ELN: variants seen among roughly 807,000 people sequenced by gnomAD.
ELN encodes the protein elastin.
ELN carries 65 observed loss-of-function variants against 105.8 expected under a neutral mutation model. The ratio of observed to expected loss-of-function variants is 0.61; its 90% CI spans 0.50 to 0.75. ELN has a LOEUF of 0.75. Ranked by LOEUF, ELN falls within the 30% of genes least tolerant of loss-of-function variation. The pLI is 0.00. For missense variants in ELN, 882 were observed against 969.4 expected, an observed-to-expected ratio of 0.91 and a Z score of 1.20; for synonymous variants, 368 against 389.2, an observed-to-expected ratio of 0.95 and a Z score of 0.64.
At chr7:74,044,967 T>C (rs1455989516) in intron 9 of ELN, among the ~76,000 whole-genome samples, 1 of 152,110 alleles carries the variant, frequency 6.6e-6, no homozygotes, top group African/African-American at 2.4e-5. Context: ...AACTCCAGCA[T>C]AGAGATGAGG....
chr7:74,037,618 T>C lies in ELN; in HGVS notation c.164-89T>C, dbSNP rs930108196. 17 of 1,553,760 alleles carry C rather than the reference T, an allele frequency of 1.1e-5. No individual in the cohort carries two copies. In the African/African-American group the frequency reaches 2.2e-4, roughly 20 times the overall value. On this transcript the variant is annotated intron_variant, in intron 3 of 32. Coordinates refer to ENST00000252034, the MANE Select transcript of ELN (RefSeq NM_000501.4). ...GGACCTGGGGTGTGTGATTCCACAC[T>C]GCCCACACTTTGCCCGGGTTGGGGG...
At position 74,048,154 on chromosome 7, in the gene ELN, G is replaced by A. The variant is rs781929514; in HGVS notation, c.698G>A (p.Gly233Glu). Residue 233 changes from glycine to glutamate, a missense_variant, in exon 14 of 33, where the codon GGA (glycine) becomes GAA (glutamate). Coordinates refer to ENST00000252034, the MANE Select transcript of ELN (RefSeq NM_000501.4). ...CTCTGTTTTGCAGGCTATGGGCCCG[G>A]AGGAGTGGCTGGTGCAGCGGGCAAG... ...TGKLPYGYGP[G>E]GVAGAAGKAG... The A allele has an allele frequency of 1.2e-6, 2 of 1,614,070 alleles. No individual in the cohort carries two copies. Among genetic ancestry groups the A allele is most frequent in the Non-Finnish European group, 1.7e-6 (2 of 1,179,980 alleles).
chr7:74,066,149 G>A, intron 31 of ELN, 152 bp downstream of exon 31: 1 of 1,074,120 alleles, frequency 9.3e-7, no homozygotes, highest in Admixed American at 2.1e-5. Flanking sequence ...CAGATGTACT[G>A]GGCAAACGGG....
At chr7:74,028,382 C>A in intron 1 of ELN, 113 bp downstream of exon 1, 1 of 1,260,506 alleles carries the variant, frequency 7.9e-7, no homozygotes, top group Non-Finnish European at 1.1e-6. Flanking sequence ...CAAGGGGTCC[C>A]AGGTGGGAGC....
intron 15 of ELN, 38 bp downstream of exon 15, chr7:74,048,594 G>C: frequency 6.2e-7 from 1 of 1,612,304 alleles, no homozygotes; most frequent in Non-Finnish European, 8.5e-7. Flanking sequence ...TGGCCTCCAG[G>C]CCCCTAGCCT....
chr7:74,064,146 T>C (rs34703969), intron 29 of ELN, among the ~76,000 whole-genome samples: 3,161 of 147,786 alleles, frequency 0.021, 41 homozygotes, highest in Non-Finnish European at 0.033. Context: ...AGGCCAGGCA[T>C]GGTGGCTCAC....
intron 4 of ELN, among the ~76,000 whole-genome samples, chr7:74,041,002 A>T (rs991563420): frequency 6.6e-6 from 1 of 152,166 alleles, no homozygotes; most frequent in Non-Finnish European, 1.5e-5. Flanking sequence ...CTTGTTAGGG[A>T]TCGGTGCAAT....
rs782346568 is a variant in ELN, at chr7:74,066,749, G to C, written c.2104G>C (p.Gly702Arg). Residue 702 changes from glycine (G) to arginine (R), a missense_variant, in exon 32 of 33, where the codon GGC (glycine) becomes CGC (arginine). Transcript: ENST00000252034. Reference protein sequence around the residue: ...FPLGGVAARPGFGLSPIFPGG... With the variant: ...FPLGGVAARPRFGLSPIFPGG... ...TCCTGCAGGAGTGGCAGCAAGACCT[G>C]GCTTCGGATTGTCTCCCATTTTCCC... 28 of 1,613,600 alleles carry C rather than the reference G, an allele frequency of 1.7e-5. No homozygotes were observed. In the African/African-American group the frequency reaches 3.1e-4, roughly 18 times the overall value.
At chr7:74,051,562 A>G (rs1277772493) in intron 15 of ELN, among the ~76,000 whole-genome samples, 188 bp from the exon 16 acceptor site, 1 of 152,030 alleles carries the variant, frequency 6.6e-6, no homozygotes, top group African/African-American at 2.4e-5. Context: ...TGAAATGGAC[A>G]CTTTGGGGGA....
chr7:74,057,330 C>G, intron 21 of ELN: 1 of 1,418,616 alleles, frequency 7.0e-7, no homozygotes, highest in South Asian at 1.7e-5. Flanking sequence ...CCTTGCTCCC[C>G]CAAAAAGTGA....
rs201859539 is a variant in ELN, at chr7:74,047,667, C to T, written c.644-8C>T. The T allele has an allele frequency of 7.7e-5, 125 of 1,614,072 alleles. 1 individual carries two copies. The highest frequency in any genetic ancestry group is 1.3e-5 in the Non-Finnish European group (15 of 1,180,018). On this transcript the variant is annotated splice_polypyrimidine_tract_variant and splice_region_variant and intron_variant, in intron 12 of 32. Coordinates refer to ENST00000252034, the MANE Select transcript of ELN (RefSeq NM_000501.4). ...GCAGCCCCTGAGTTTGCTCTGTCCT[C>T]TCTCCAGGTGGCTATGGACTGCCCT...
chr7:74,046,264 G>A (rs1392029740), intron 11 of ELN, 47 bp downstream of exon 11: 2 of 1,613,794 alleles, frequency 1.2e-6, no homozygotes, highest in East Asian at 2.2e-5. Flanking sequence ...CCAGGCAGAG[G>A]CTCTGGCGTT....
At chr7:74,053,441 C>G in intron 18 of ELN, 132 bp downstream of exon 18, 2 of 1,506,852 alleles carry the variant, frequency 1.3e-6, no homozygotes, top group Non-Finnish European at 1.8e-6. Context: ...CCCTTGACCA[C>G]GTCTCATCCC....
At chr7:74,028,319 T>C in intron 1 of ELN, 50 bp downstream of exon 1, 1 of 1,574,636 alleles carries the variant, frequency 6.4e-7, no homozygotes, top group Non-Finnish European at 8.6e-7. Flanking sequence ...CTGCGGGCCC[T>C]TTGGGCCAGG....
At chr7:74,053,667 G>A (rs1794613591) in intron 18 of ELN, among the ~76,000 whole-genome samples, 1 of 152,060 alleles carries the variant, frequency 6.6e-6, no homozygotes, top group South Asian at 2.1e-4. Flanking sequence ...TGAATGGGTG[G>A]GTGGATGAAT....
chr7:74,036,150 T>C (rs1789887445), intron 2 of ELN, among the ~76,000 whole-genome samples: 1 of 150,532 alleles, frequency 6.6e-6, no homozygotes, highest in African/African-American at 2.4e-5. Flanking sequence ...ATTAACCAGG[T>C]GTGGTGGCGA....
In ELN at chr7:74,065,984, G is replaced by A. The variant is rs1797855945; in HGVS notation, c.2073G>A (p.Gln691=). Residue 691 remains glutamine (Q), a synonymous_variant, in exon 31 of 33, where the codon CAG becomes CAA. Coordinates refer to ENST00000252034, the MANE Select transcript of ELN (RefSeq NM_000501.4). ...GLGGVLGGAG[Q]FPLGGVAARP... ...GAGGTGTCCTAGGGGGTGCCGGGCAGTTCCCACTTGGAGGTAGGGGTGGCC... is the reference window on the plus strand; with the variant it reads ...GAGGTGTCCTAGGGGGTGCCGGGCAATTCCCACTTGGAGGTAGGGGTGGCC... 1 of 1,614,016 alleles carries A rather than the reference G, an allele frequency of 6.2e-7. No individual in the cohort carries two copies. The highest frequency in any genetic ancestry group is 8.5e-7 in the Non-Finnish European group (1 of 1,180,022).
intron 10 of ELN, among the ~76,000 whole-genome samples, 197 bp downstream of exon 10, chr7:74,045,490 G>A (rs951983082): frequency 3.3e-5 from 5 of 152,200 alleles, no homozygotes; most frequent in South Asian, 4.1e-4. Context: ...TGTAATCCCA[G>A]TATTTTGGGA....
In ELN at chr7:74,066,771, T is replaced by C. The variant is rs781966958; in HGVS notation, c.2126T>C (p.Phe709Ser). 2.5e-6 allele frequency: 4 copies of C among 1,613,318 alleles called. No homozygotes were observed. The South Asian group carries it at 4.4e-5, about 18-fold the overall frequency. Residue 709 changes from phenylalanine to serine, a missense_variant, in exon 32 of 33, where the codon TTC (phenylalanine) becomes TCC (serine). Physicochemically the swap from Phe to Ser is radical, Grantham distance 155 (BLOSUM62 -2). Transcript: ENST00000252034. Reference sequence around the variant, plus strand: ...CCTGGCTTCGGATTGTCTCCCATTTTCCCAGGTATGCCAGGCTCCCTGCCC... The same window carrying C: ...CCTGGCTTCGGATTGTCTCCCATTTCCCCAGGTATGCCAGGCTCCCTGCCC... ...ARPGFGLSPI[F>S]PGGACLGKAC...
Sources: allele counts gnomAD v4.1 joint callset (sites outside exome capture counted in the v4.1 genomes callset), GRCh38; gene constraint gnomAD v4.1.1; transcripts MANE v1.5; gene names NCBI Gene and HGNC (gene_info 2026-07-23, HGNC 2026-07-21).